Variants in CTPS1 observed in about 807,000 individuals in gnomAD.
CTPS1 encodes CTP synthetase 1.
CTPS1 carries 25 observed loss-of-function variants against 80.5 expected under a neutral mutation model. The ratio of observed to expected loss-of-function variants is 0.31; its 90% CI spans 0.23 to 0.43. The LOEUF is 0.43. CTPS1 is among the 20% of genes least tolerant of loss of function. CTPS1 has a pLI of 1.00. For synonymous variants in CTPS1, 267 were observed against 252.5 expected (o/e 1.06, Z -0.54); for missense variants, 442 against 725.7 (o/e 0.61, Z 4.49).
intron 9 of CTPS1, among the ~76,000 whole-genome samples, chr1:41,000,559 A>G (rs1335786151): frequency 1.3e-5 from 2 of 151,942 alleles, no homozygotes; most frequent in African/African-American, 2.4e-5. Flanking sequence ...GGCTCATTCT[A>G]TATCTTGGTG....
intron 4 of CTPS1, 123 bp from the exon 5 acceptor site, chr1:40,988,471 G>A: frequency 1.4e-6 from 1 of 699,682 alleles, no homozygotes; most frequent in Non-Finnish European, 2.6e-6. Flanking sequence ...CATTATACAG[G>A]GTTAGAGAGT....
intron 17 of CTPS1, among the ~76,000 whole-genome samples, chr1:41,009,811 C>G (rs1406739465): frequency 2.6e-5 from 4 of 152,174 alleles, no homozygotes; most frequent in African/African-American, 9.7e-5. Flanking sequence ...TGGTGCTGAC[C>G]AGATCACACT....
At chr1:41,001,492 G>A (rs41268101) in intron 10 of CTPS1, 40,506 of 250,946 alleles carry the variant, frequency 0.16, 3,895 homozygotes, top group Non-Finnish European at 0.21. Context: ...TGAATATTAC[G>A]GAGGTGTACA....
At chr1:41,002,656 CTT>C (rs1445965428) in intron 11 of CTPS1, among the ~76,000 whole-genome samples, 1 of 152,128 alleles carries the variant, frequency 6.6e-6, no homozygotes, top group Non-Finnish European at 1.5e-5. Context: ...TAAATAAAAA[CTT>C]AATGAGAGAG....
intron 10 of CTPS1, among the ~76,000 whole-genome samples, chr1:41,001,829 A>G (rs1015118236): frequency 6.6e-6 from 1 of 152,038 alleles, no homozygotes; most frequent in African/African-American, 2.4e-5. Flanking sequence ...ACACCACTGC[A>G]CTCCAGCCTG....
chr1:41,005,124 T>C (rs184673472), intron 12 of CTPS1, among the ~76,000 whole-genome samples: 1 of 151,924 alleles, frequency 6.6e-6, no homozygotes, highest in African/African-American at 2.4e-5. Context: ...GTGAGACTCT[T>C]GTCTTAAAAC....
intron 1 of CTPS1, among the ~76,000 whole-genome samples, chr1:40,981,532 A>G (rs1432973297): frequency 6.6e-6 from 1 of 152,118 alleles, no homozygotes; most frequent in Non-Finnish European, 1.5e-5. Context: ...TCTAAAATGT[A>G]CCTAAGACTG....
intron 1 of CTPS1, chr1:40,981,837 C>G: frequency 2.7e-6 from 1 of 369,084 alleles, no homozygotes; most frequent in South Asian, 2.5e-5. Flanking sequence ...ATTCTTCCTT[C>G]CCTGCCAAGT....
intron 5 of CTPS1, among the ~76,000 whole-genome samples, chr1:40,989,494 A>C (rs1351544821): frequency 6.6e-6 from 1 of 152,184 alleles, no homozygotes; most frequent in Non-Finnish European, 1.5e-5. Context: ...CCCAGGATAA[A>C]AGACACTGGC....
At position 41,007,596 on chromosome 1, in the gene CTPS1, G is replaced by A. The variant is rs766935206; in HGVS notation, c.1393+51G>A. The A allele has an allele frequency of 6.6e-6, 10 of 1,504,780 alleles. No homozygotes were observed. Among genetic ancestry groups the A allele is most frequent in the South Asian group, 1.1e-5 (1 of 88,654 alleles). 93.2% of individuals were successfully genotyped at this position (1,504,780 alleles called of 1,614,324 possible). Reference sequence around the variant, plus strand: ...GCCTTTGGCTCTGCGTGCCCAGGACGCGTGTCTTAGGGTGATGCTGTGGCT... The same window carrying A: ...GCCTTTGGCTCTGCGTGCCCAGGACACGTGTCTTAGGGTGATGCTGTGGCT... On this transcript the variant is annotated intron_variant, in intron 14 of 18. Transcript: ENST00000650070. The surrounding 1 kb of genome is among the most constrained non-coding windows in gnomAD (Gnocchi z 4.4).
chr1:41,007,333 A>ACC lies in CTPS1; in HGVS notation c.1297-116_1297-115insCC, dbSNP rs935855856. 4 of 831,298 alleles carry ACC rather than the reference A, an allele frequency of 4.8e-6. No homozygotes were observed. The highest frequency in any genetic ancestry group is 7.7e-6 in the Non-Finnish European group (4 of 519,852). The allele number at this position is 831,298 out of a possible 1,614,324, so 51.5% of individuals were successfully genotyped here. On this transcript the variant is annotated intron_variant, in intron 13 of 18. Transcript: ENST00000650070. This position sits in a 1 kb window ranked among gnomAD's most constrained non-coding sequence, Gnocchi z 4.4. ...TTCTGTGACAAAATGTCTCATAAGGAAAGCCTGGAGAATTAGAGCTTACTT... is the reference window on the plus strand; with the variant it reads ...TTCTGTGACAAAATGTCTCATAAGGACCAAGCCTGGAGAATTAGAGCTTACTT...
intron 18 of CTPS1, 24 bp downstream of exon 18, chr1:41,010,278 G>GT: frequency 6.5e-7 from 1 of 1,541,974 alleles, no homozygotes; most frequent in South Asian, 1.1e-5. Flanking sequence ...TAAAGTTTTA[G>GT]TTTTTAAAAA....
chr1:40,988,611 G>T lies in CTPS1; in HGVS notation c.456G>T (p.Gly152=), dbSNP rs376161790. 5.5e-5 allele frequency: 88 copies of T among 1,613,722 alleles called. No homozygotes were observed. Among genetic ancestry groups the T allele is most frequent in the Admixed American group, 1.3e-4 (8 of 60,000 alleles). Residue 152 remains glycine, a synonymous_variant, in exon 5 of 19, where the codon GGG becomes GGT. Coordinates refer to ENST00000650070, the MANE Select transcript of CTPS1 (RefSeq NM_001905.4). ...TCTTCTAGCTTGGTGGAACCGTGGGGGACATAGAAAGCATGCCCTTTATTG... is the reference window on the plus strand; with the variant it reads ...TCTTCTAGCTTGGTGGAACCGTGGGTGACATAGAAAGCATGCCCTTTATTG... The part of the protein sequence containing the change: ...VCVIELGGTV[G]DIESMPFIEA...
chr1:40,984,418 T>C (rs897437624), intron 2 of CTPS1, among the ~76,000 whole-genome samples: 3 of 152,222 alleles, frequency 2.0e-5, no homozygotes, highest in African/African-American at 4.8e-5. Context: ...TATGCATATA[T>C]CCAGGTTTTG....
intron 10 of CTPS1, among the ~76,000 whole-genome samples, chr1:41,001,771 G>T (rs1391440598): frequency 6.6e-6 from 1 of 152,144 alleles, no homozygotes; most frequent in Middle Eastern, 3.4e-3. Context: ...AACCAGCTGG[G>T]TGTGGTCCCA....
At chr1:40,985,754 T>A (rs1328630471) in intron 3 of CTPS1, among the ~76,000 whole-genome samples, 4 of 152,150 alleles carry the variant, frequency 2.6e-5, no homozygotes, top group African/African-American at 9.7e-5. Context: ...CTGGCAAGAT[T>A]CTGGGCTAAT....
intron 12 of CTPS1, chr1:41,004,054 C>T (rs1000935878): frequency 6.6e-6 from 1 of 152,196 alleles, no homozygotes; most frequent in East Asian, 1.9e-4. Flanking sequence ...TCCCGTTGGC[C>T]AAAACAAGTC....
At chr1:41,002,103 T>G (rs898028468) in intron 10 of CTPS1, 57 bp from the exon 11 acceptor site, 5 of 1,511,598 alleles carry the variant, frequency 3.3e-6, no homozygotes, top group Non-Finnish European at 4.6e-6. Flanking sequence ...AGGCGATTAT[T>G]GCAAGTTGGA....
At chr1:40,994,291 G>T (rs1642698339) in intron 7 of CTPS1, among the ~76,000 whole-genome samples, 1 of 152,110 alleles carries the variant, frequency 6.6e-6, no homozygotes, top group Non-Finnish European at 1.5e-5. Context: ...TGAGGTAAGG[G>T]TTGAAATTTT....
Sources: allele counts gnomAD v4.1 joint callset (sites outside exome capture counted in the v4.1 genomes callset), GRCh38; gene constraint gnomAD v4.1.1; non-coding constraint Gnocchi (gnomAD v3.1); transcripts MANE v1.5; gene names NCBI Gene and HGNC (gene_info 2026-07-23, HGNC 2026-07-21).